L3MBTL4: variants seen among roughly 807,000 people sequenced by gnomAD.
L3MBTL4 encodes the protein L3MBTL histone methyl-lysine binding protein 4, also known as lethal(3)malignant brain tumor-like protein 4.
Under a neutral mutation model 84.5 loss-of-function variants are expected in L3MBTL4, and 70 were observed. The ratio of observed to expected loss-of-function variants is 0.83; its 90% CI spans 0.68 to 1.01. The LOEUF is 1.01. Ranked by LOEUF, L3MBTL4 falls within the 50% of genes least tolerant of loss-of-function variation. The pLI is 0.00. For missense variants in L3MBTL4, 715 were observed against 754.8 expected (o/e 0.95, Z 0.62); for synonymous variants, 274 against 259.8 (o/e 1.05, Z -0.52).
intron 5 of L3MBTL4, among the ~76,000 whole-genome samples, chr18:6,245,541 C>A (rs939501195): frequency 1.3e-5 from 2 of 151,606 alleles, no homozygotes; most frequent in Non-Finnish European, 2.9e-5. Context: ...TTCTACATAC[C>A]CAGCCTATGA....
intron 15 of L3MBTL4, among the ~76,000 whole-genome samples, chr18:6,085,595 A>G (rs2058232026): frequency 6.6e-6 from 1 of 152,098 alleles, no homozygotes; most frequent in Admixed American, 6.5e-5. Context: ...TGATGGTTTT[A>G]TTAGTGTTTG....
intron 16 of L3MBTL4, among the ~76,000 whole-genome samples, chr18:5,987,315 C>T (rs2053505741): frequency 1.3e-5 from 2 of 152,364 alleles, no homozygotes; most frequent in African/African-American, 4.8e-5. Flanking sequence ...TTCTCAAAAG[C>T]CACATAGTGC....
At chr18:6,090,790 A>ATTTTTTTTTTT (rs71370543) in intron 15 of L3MBTL4, among the ~76,000 whole-genome samples, 1 of 129,742 alleles carries the variant, frequency 7.7e-6, no homozygotes, top group African/African-American at 2.8e-5. Flanking sequence ...ACACCCACCT[A>ATTTTTTTTTTT]TTTTTTTTTT....
intron 5 of L3MBTL4, among the ~76,000 whole-genome samples, chr18:6,247,046 T>C (rs1179253216): frequency 6.6e-6 from 1 of 152,222 alleles, no homozygotes. Flanking sequence ...ACTTACTCTA[T>C]CTCTCATATG....
intron 1 of L3MBTL4, among the ~76,000 whole-genome samples, chr18:6,369,975 A>C (rs2054088893): frequency 6.6e-6 from 1 of 151,998 alleles, no homozygotes; most frequent in Admixed American, 6.5e-5. Context: ...CTCTACTGAA[A>C]ATACAAAAAT....
intron 1 of L3MBTL4, among the ~76,000 whole-genome samples, chr18:6,388,091 C>A (rs1256327958): frequency 6.6e-6 from 1 of 151,920 alleles, no homozygotes; most frequent in East Asian, 1.9e-4. Context: ...TTAGATTGTT[C>A]AAAAATTAAA....
At chr18:6,214,648 A>G (rs965723701) in intron 11 of L3MBTL4, among the ~76,000 whole-genome samples, 9 of 152,192 alleles carry the variant, frequency 5.9e-5, no homozygotes, top group Non-Finnish European at 1.2e-4. Flanking sequence ...ATGCATTATC[A>G]CATCTACTAA....
chr18:6,094,390 C>T (rs2058562112), intron 14 of L3MBTL4, among the ~76,000 whole-genome samples: 1 of 152,152 alleles, frequency 6.6e-6, no homozygotes, highest in Non-Finnish European at 1.5e-5. Flanking sequence ...AGATTCTCCC[C>T]AGTGAAATGA....
At chr18:5,965,743 T>G (rs929325411) in intron 17 of L3MBTL4, among the ~76,000 whole-genome samples, 17 of 152,144 alleles carry the variant, frequency 1.1e-4, no homozygotes, top group African/African-American at 4.1e-4. Flanking sequence ...TACTGGGAAA[T>G]GTGCTGTAGT....
At chr18:6,066,241 T>C (rs2057395055) in intron 16 of L3MBTL4, among the ~76,000 whole-genome samples, 1 of 152,162 alleles carries the variant, frequency 6.6e-6, no homozygotes, top group South Asian at 2.1e-4. Context: ...ATTTCGATTT[T>C]TAAAAATTTA....
intron 13 of L3MBTL4, among the ~76,000 whole-genome samples, chr18:6,166,172 C>G (rs1445792150): frequency 6.6e-6 from 1 of 152,196 alleles, no homozygotes; most frequent in Non-Finnish European, 1.5e-5. Context: ...CACCCAGATT[C>G]ATAAAGCAAG....
intron 14 of L3MBTL4, among the ~76,000 whole-genome samples, chr18:6,094,747 A>G (rs1053803872): frequency 2.1e-4 from 32 of 152,266 alleles, no homozygotes; most frequent in African/African-American, 7.7e-4. Flanking sequence ...CATAATAAAA[A>G]TAAACTGGAT....
chr18:5,990,034 G>A (rs944718843), intron 16 of L3MBTL4, among the ~76,000 whole-genome samples: 2 of 152,180 alleles, frequency 1.3e-5, no homozygotes, highest in Non-Finnish European at 2.9e-5. Context: ...GGATCCCTAA[G>A]AGTCCATCCT....
At chr18:6,062,441 C>T (rs1196037572) in intron 16 of L3MBTL4, among the ~76,000 whole-genome samples, 2 of 151,902 alleles carry the variant, frequency 1.3e-5, no homozygotes, top group Non-Finnish European at 2.9e-5. Context: ...GTGAATATGA[C>T]ATATGTAGGT....
intron 16 of L3MBTL4, among the ~76,000 whole-genome samples, chr18:6,027,643 G>A (rs557850407): frequency 1.9e-4 from 29 of 152,184 alleles, no homozygotes; most frequent in African/African-American, 6.5e-4. Context: ...ACTAATTCAC[G>A]CTCCCACCAA....
intron 14 of L3MBTL4, among the ~76,000 whole-genome samples, chr18:6,130,250 C>T (rs941646808): frequency 5.4e-5 from 8 of 149,012 alleles, no homozygotes; most frequent in Non-Finnish European, 1.2e-4. Flanking sequence ...AGACTGACAC[C>T]CCCCACCCGC....
chr18:6,298,026 T>G (rs549334110), intron 4 of L3MBTL4, among the ~76,000 whole-genome samples: 1 of 152,238 alleles, frequency 6.6e-6, no homozygotes, highest in Non-Finnish European at 1.5e-5. Context: ...GGAATGCACA[T>G]GCTGATATCA....
intron 14 of L3MBTL4, among the ~76,000 whole-genome samples, chr18:6,110,348 G>A (rs1598780409): frequency 6.6e-6 from 1 of 152,104 alleles, no homozygotes; most frequent in African/African-American, 2.4e-5. Flanking sequence ...TGTGGTGTCT[G>A]TATGCGTGTG....
chr18:6,036,851 A>AAG (rs1422048666), intron 16 of L3MBTL4, among the ~76,000 whole-genome samples: 1 of 152,194 alleles, frequency 6.6e-6, no homozygotes, highest in Non-Finnish European at 1.5e-5. Flanking sequence ...AGGTCTCCTT[A>AAG]GGTCTTTCCT....
Sources: gnomAD v4.1 joint callset for allele counts (sites outside exome capture counted in the v4.1 genomes callset) on GRCh38, gnomAD v4.1.1 for gene constraint, MANE v1.5 for transcripts, NCBI Gene and HGNC (gene_info 2026-07-23, HGNC 2026-07-21) for gene names.